Variants in CISD1 observed in about 807,000 individuals in gnomAD.
CISD1 encodes CDGSH iron sulfur domain 1.
A neutral mutation model predicts 12.0 loss-of-function variants in CISD1; 8 were observed. That is an observed-to-expected ratio of 0.67 (90% confidence interval 0.39 to 1.20). The LOEUF (loss-of-function observed/expected upper bound fraction) is 1.20. Ranked by LOEUF, CISD1 falls within the 50% of genes most tolerant of loss-of-function variation. CISD1 has a pLI of 0.01. For missense variants in CISD1, 107 were observed against 132.7 expected (o/e 0.81, Z 0.95); for synonymous variants, 38 against 42.2 (o/e 0.90, Z 0.39).
At chr10:58,271,041 C>CTTTTTTTTTTTT (rs752640135) in intron 1 of CISD1, among the ~76,000 whole-genome samples, 1 of 112,646 alleles carries the variant, frequency 8.9e-6, no homozygotes, top group African/African-American at 4.7e-5. Flanking sequence ...GTTGCCATGA[C>CTTTTTTTTTTTT]TATTTTTTTT....
At chr10:58,277,584 G>C (rs977334638) in intron 2 of CISD1, among the ~76,000 whole-genome samples, 2 of 144,450 alleles carry the variant, frequency 1.4e-5, no homozygotes, top group African/African-American at 5.4e-5. Context: ...CGTGTGACCT[G>C]TTATAATATC....
In CISD1 at chr10:58,287,776, C is replaced by A; in HGVS notation, c.*126C>A. On this transcript the variant is annotated 3_prime_UTR_variant, in exon 3 of 3. Transcript: ENST00000333926. The stretch of plus-strand genomic sequence containing the variant: ...AAATGTGGTATATTGCAAACTGCAG[C>A]TTTCACATTTATGGCATTTGTCTTG... The A allele has an allele frequency of 2.2e-6, 1 of 454,326 alleles. No individual in the cohort carries two copies. The highest frequency in any genetic ancestry group is 3.9e-6 in the Non-Finnish European group (1 of 259,272). 28.1% of individuals were successfully genotyped at this position (454,326 alleles called of 1,614,324 possible).
intron 1 of CISD1, among the ~76,000 whole-genome samples, chr10:58,273,757 T>C (rs1415739866): frequency 1.3e-5 from 2 of 152,212 alleles, no homozygotes; most frequent in Non-Finnish European, 2.9e-5. Context: ...TGTGTAGATA[T>C]AAAGCATGAT....
At position 58,287,692 on chromosome 10, in the gene CISD1, A is replaced by G; in HGVS notation, c.*42A>G. On this transcript the variant is annotated 3_prime_UTR_variant, in exon 3 of 3. Transcript: ENST00000333926. ...CTGCAAATCAGCTTGTCGTGAAGTT[A>G]CCTGATTGTTTAATTAGAATGACTA... The G allele has an allele frequency of 7.5e-7, 1 of 1,335,684 alleles. No homozygotes were observed. 82.7% of individuals were successfully genotyped at this position (1,335,684 alleles called of 1,614,324 possible). A position where few individuals can be genotyped will look rare whatever the true frequency, so the allele number is the denominator to read the frequency against.
At chr10:58,287,396 TCTTA>T (rs1322848840) in intron 2 of CISD1, among the ~76,000 whole-genome samples, 161 bp from the exon 3 acceptor site, 5 of 152,184 alleles carry the variant, frequency 3.3e-5, no homozygotes, top group African/African-American at 7.2e-5. Flanking sequence ...AATTTCTTCA[TCTTA>T]CTAAGTAGCA....
At chr10:58,282,416 A>C (rs1358840854) in intron 2 of CISD1, among the ~76,000 whole-genome samples, 1 of 152,244 alleles carries the variant, frequency 6.6e-6, no homozygotes, top group Non-Finnish European at 1.5e-5. Flanking sequence ...TGTATACTTT[A>C]AATTATTACG....
Position 58,269,254 on chromosome 10 carries a change from G to A in CISD1, c.-20G>A, listed in dbSNP as rs370461677. On this transcript the variant is annotated 5_prime_UTR_variant, in exon 1 of 3. Coordinates refer to ENST00000333926, the MANE Select transcript of CISD1 (RefSeq NM_018464.5). Reference sequence around the variant, plus strand: ...TTGAGCTCGGTATCCTAGTGCACACGCCTTGCAAGCGACGGCGCCATGAGT... The same window carrying A: ...TTGAGCTCGGTATCCTAGTGCACACACCTTGCAAGCGACGGCGCCATGAGT... 2.5e-6 allele frequency: 4 copies of A among 1,607,250 alleles called. No homozygotes were observed. Among genetic ancestry groups the A allele is most frequent in the African/African-American group, 2.7e-5 (2 of 74,888 alleles).
intron 2 of CISD1, among the ~76,000 whole-genome samples, chr10:58,280,284 A>G (rs747639857): frequency 2.0e-5 from 3 of 152,208 alleles, no homozygotes; most frequent in Non-Finnish European, 4.4e-5. Flanking sequence ...ACATAGAGTT[A>G]TGATACTTTT....
chr10:58,284,334 AC>A (rs1011065839), intron 2 of CISD1, among the ~76,000 whole-genome samples: 9 of 151,988 alleles, frequency 5.9e-5, no homozygotes, highest in Middle Eastern at 3.4e-3. Context: ...AAAAAAAAAA[AC>A]TGTATACCCA....
chr10:58,275,437 T>G (rs1390808809), intron 1 of CISD1, among the ~76,000 whole-genome samples: 1 of 151,876 alleles, frequency 6.6e-6, no homozygotes, highest in Non-Finnish European at 1.5e-5. Flanking sequence ...AGCACTAAAG[T>G]TGGAGATAAA....
chr10:58,272,348 T>A lies in CISD1; in HGVS notation c.31+3044T>A, dbSNP rs1839259545. On this transcript the variant is annotated intron_variant, in intron 1 of 2. Transcript: ENST00000333926. ...AGTTGCAACATAGGGATTTGTCTGT[T>A]CATCTTGTACTTCATTATCTATCCC... Among the ~76,000 whole-genome samples the A allele has an allele frequency of 2.0e-5, 3 of 152,120 alleles. 1 individual carries two copies. Among genetic ancestry groups the A allele is most frequent in the Admixed American group, 2.0e-4 (3 of 15,282 alleles).
intron 2 of CISD1, among the ~76,000 whole-genome samples, chr10:58,286,160 G>C (rs1442076633): frequency 6.7e-6 from 1 of 150,154 alleles, no homozygotes; most frequent in Admixed American, 6.6e-5. Flanking sequence ...AGTCGAGATC[G>C]CGCCACTGCA....
intron 1 of CISD1, among the ~76,000 whole-genome samples, chr10:58,271,326 C>T (rs1055939922): frequency 7.9e-5 from 12 of 152,122 alleles, no homozygotes; most frequent in Non-Finnish European, 5.9e-5. Context: ...AGGCGTGAGC[C>T]ACCGCGCCCG....
At chr10:58,273,596 A>G (rs1291062148) in intron 1 of CISD1, 3 of 152,220 alleles carry the variant, frequency 2.0e-5, no homozygotes, top group Non-Finnish European at 4.4e-5. Context: ...TTTGGGAACA[A>G]GTCCACGTTT....
chr10:58,274,539 G>T (rs962881762), intron 1 of CISD1, among the ~76,000 whole-genome samples: 1 of 120,074 alleles, frequency 8.3e-6, no homozygotes, highest in African/African-American at 3.3e-5. Context: ...AAAAAAAAAA[G>T]AAATGGAAAT....
At chr10:58,273,716 T>G (rs1321243427) in intron 1 of CISD1, among the ~76,000 whole-genome samples, 3 of 152,246 alleles carry the variant, frequency 2.0e-5, no homozygotes, top group Non-Finnish European at 4.4e-5. Flanking sequence ...AAGTGTTACC[T>G]TTCTCTACAT....
chr10:58,272,381 G>C (rs1284417436), intron 1 of CISD1, among the ~76,000 whole-genome samples: 7 of 151,660 alleles, frequency 4.6e-5, no homozygotes, highest in Non-Finnish European at 8.8e-5. Flanking sequence ...CCCAAACCCT[G>C]ATCACTACAA....
At chr10:58,274,439 A>ATTT in intron 1 of CISD1, among the ~76,000 whole-genome samples, 1 of 121,966 alleles carries the variant, frequency 8.2e-6, no homozygotes, top group African/African-American at 4.0e-5. Context: ...TAAAATAACA[A>ATTT]CTTTTTTTTT....
In CISD1 at chr10:58,288,737, T is replaced by C. The variant is rs1179245675; in HGVS notation, c.*1087T>C. 1 of 152,226 alleles carries C rather than the reference T, an allele frequency of 6.6e-6. No individual in the cohort carries two copies. Among genetic ancestry groups the C allele is most frequent in the Non-Finnish European group, 1.5e-5 (1 of 67,966 alleles). The allele number at this position is 152,226 out of a possible 1,614,324, so 9.4% of individuals were successfully genotyped here. A position where few individuals can be genotyped will look rare whatever the true frequency, so the allele number is the denominator to read the frequency against. ...TAAAAGATTTAAGACAAATAGTTCATAAATATTTTTAAAGAGATTAGGTTT... is the reference window on the plus strand; with the variant it reads ...TAAAAGATTTAAGACAAATAGTTCACAAATATTTTTAAAGAGATTAGGTTT... On this transcript the variant is annotated 3_prime_UTR_variant, in exon 3 of 3. Transcript: ENST00000333926.
Sources: gnomAD v4.1 joint callset for allele counts (sites outside exome capture counted in the v4.1 genomes callset) on GRCh38, gnomAD v4.1.1 for gene constraint, MANE v1.5 for transcripts, NCBI Gene and HGNC (gene_info 2026-07-23, HGNC 2026-07-21) for gene names.